Variants in DPYD observed in about 807,000 individuals in gnomAD.
DPYD encodes the protein dihydropyrimidine dehydrogenase [NADP(+)].
DPYD carries 109 observed loss-of-function variants against 116.2 expected under a neutral mutation model. The ratio of observed to expected loss-of-function variants is 0.94; its 90% CI spans 0.80 to 1.10. The LOEUF (loss-of-function observed/expected upper bound fraction) is 1.10, where lower values mean the gene tolerates loss of function less well. DPYD is among the 50% of genes least tolerant of loss of function. DPYD has a pLI of 0.00. For missense variants in DPYD, 1,302 were observed against 1,254.5 expected, an observed-to-expected ratio of 1.04 and a Z score of -0.57; for synonymous variants, 440 against 432.0, an observed-to-expected ratio of 1.02 and a Z score of -0.23.
chr1:97,501,993 T>C (rs1234343832), intron 13 of DPYD, among the ~76,000 whole-genome samples: 1 of 152,088 alleles, frequency 6.6e-6, no homozygotes, highest in Non-Finnish European at 1.5e-5. Flanking sequence ...TTCTGACCTA[T>C]ATAAAATATT....
At chr1:97,289,570 G>T (rs905514435) in intron 18 of DPYD, among the ~76,000 whole-genome samples, 3 of 151,644 alleles carry the variant, frequency 2.0e-5, no homozygotes, top group Non-Finnish European at 4.4e-5. Flanking sequence ...CATATAAACA[G>T]AACCAAAGAC....
chr1:97,259,146 T>C lies in DPYD; in HGVS notation c.2300-24152A>G, dbSNP rs185364776. Among the ~76,000 whole-genome samples the C allele has an allele frequency of 9.3e-4, 141 of 152,236 alleles. 1 individual carries two copies. The highest frequency in any genetic ancestry group is 7.4e-5 in the Non-Finnish European group (5 of 68,018). ...TATAACCTATTACTTATGTTTTGGT[T>C]TGCCATGCATGGTATCTCCAGTACT... On this transcript the variant is annotated intron_variant, in intron 18 of 22. Coordinates refer to ENST00000370192, the MANE Select transcript of DPYD (RefSeq NM_000110.4).
At chr1:97,135,424 T>C (rs1221937666) in intron 20 of DPYD, among the ~76,000 whole-genome samples, 1 of 152,226 alleles carries the variant, frequency 6.6e-6, no homozygotes, top group Non-Finnish European at 1.5e-5. Flanking sequence ...GTTTCTTGGC[T>C]ACCAATAAGT....
chr1:97,345,354 T>A (rs1007116006), intron 16 of DPYD, among the ~76,000 whole-genome samples: 2 of 151,948 alleles, frequency 1.3e-5, no homozygotes, highest in Admixed American at 1.3e-4. Context: ...CTATTTGTCA[T>A]TGCTTTTCTT....
intron 13 of DPYD, among the ~76,000 whole-genome samples, chr1:97,473,208 C>T (rs1286331723): frequency 6.6e-6 from 1 of 152,182 alleles, no homozygotes; most frequent in East Asian, 1.9e-4. Context: ...ACAAAGAAGT[C>T]AGATCATACA....
chr1:97,308,615 G>A (rs775800385), intron 16 of DPYD, among the ~76,000 whole-genome samples: 11 of 151,734 alleles, frequency 7.2e-5, no homozygotes, highest in Admixed American at 5.3e-4. Flanking sequence ...GGGAATTCAC[G>A]AATAGACTGT....
intron 15 of DPYD, among the ~76,000 whole-genome samples, chr1:97,374,240 G>C (rs148072322): frequency 1.3e-5 from 2 of 152,110 alleles, no homozygotes; most frequent in Admixed American, 6.6e-5. Context: ...AGGAAGTATT[G>C]ATAGTTTTGT....
chr1:97,333,654 G>A (rs1430026449), intron 16 of DPYD, among the ~76,000 whole-genome samples: 7 of 150,002 alleles, frequency 4.7e-5, no homozygotes, highest in South Asian at 2.1e-4. Flanking sequence ...CCGAGTAGCC[G>A]GGATTACAGG....
intron 20 of DPYD, among the ~76,000 whole-genome samples, chr1:97,145,313 C>T (rs188062208): frequency 1.5e-4 from 23 of 152,160 alleles, no homozygotes; most frequent in Non-Finnish European, 1.9e-4. Context: ...GCTCAAAGGC[C>T]GTCAAGTAGC....
chr1:97,115,432 C>T (rs115825124), intron 20 of DPYD, among the ~76,000 whole-genome samples: 2,004 of 152,162 alleles, frequency 0.013, 39 homozygotes, highest in African/African-American at 0.045. Context: ...TCCTACGTGG[C>T]CATTTCAAAG....
chr1:97,696,147 A>G (rs1266096430), intron 6 of DPYD, among the ~76,000 whole-genome samples: 3 of 149,396 alleles, frequency 2.0e-5, no homozygotes, highest in African/African-American at 7.4e-5. Flanking sequence ...AGAAAGAAAA[A>G]AGAAAAGAAA....
At chr1:97,693,770 C>T (rs1347592911) in intron 6 of DPYD, among the ~76,000 whole-genome samples, 1 of 152,112 alleles carries the variant, frequency 6.6e-6, no homozygotes, top group Non-Finnish European at 1.5e-5. Context: ...TACATCCAGA[C>T]ACATTGTGAA....
chr1:97,838,159 T>G (rs1179922398), intron 2 of DPYD, among the ~76,000 whole-genome samples: 1 of 152,214 alleles, frequency 6.6e-6, no homozygotes, highest in Non-Finnish European at 1.5e-5. Flanking sequence ...AAAACAAGTC[T>G]CAGACAGCAG....
chr1:97,225,557 G>GT (rs1335070158), intron 19 of DPYD, among the ~76,000 whole-genome samples: 28 of 126,752 alleles, frequency 2.2e-4, no homozygotes, highest in African/African-American at 8.0e-4. Context: ...TTGAAATCAG[G>GT]TTGTTTTTTT....
intron 19 of DPYD, among the ~76,000 whole-genome samples, chr1:97,224,737 T>C (rs1455841724): frequency 6.6e-6 from 1 of 151,854 alleles, no homozygotes; most frequent in Non-Finnish European, 1.5e-5. Context: ...TTTTTTTAGA[T>C]TCCACATATA....
At chr1:97,874,176 C>T (rs1671792114) in intron 2 of DPYD, among the ~76,000 whole-genome samples, 1 of 151,848 alleles carries the variant, frequency 6.6e-6, no homozygotes, top group Non-Finnish European at 1.5e-5. Context: ...TGTCACACAG[C>T]TAAATCCTTT....
intron 8 of DPYD, among the ~76,000 whole-genome samples, chr1:97,666,375 T>C (rs1266782423): frequency 6.6e-6 from 1 of 152,008 alleles, no homozygotes; most frequent in African/African-American, 2.4e-5. Flanking sequence ...CCCAGGCTGG[T>C]CTGGAACTCT....
intron 8 of DPYD, among the ~76,000 whole-genome samples, chr1:97,628,454 G>C (rs2100787588): frequency 6.6e-6 from 1 of 152,200 alleles, no homozygotes; most frequent in Non-Finnish European, 1.5e-5. Flanking sequence ...ATCAGCTAGT[G>C]ATAAGAGAAG....
At chr1:97,779,415 T>C (rs1666608164) in intron 3 of DPYD, among the ~76,000 whole-genome samples, 1 of 151,996 alleles carries the variant, frequency 6.6e-6, no homozygotes, top group Non-Finnish European at 1.5e-5. Flanking sequence ...TAAACATAAA[T>C]ACACTAGTGT....
Sources: gnomAD v4.1 joint callset for allele counts (sites outside exome capture counted in the v4.1 genomes callset) on GRCh38, gnomAD v4.1.1 for gene constraint, MANE v1.5 for transcripts, NCBI Gene and HGNC (gene_info 2026-07-23, HGNC 2026-07-21) for gene names.